The following CPNE8 variants were observed in gnomAD, a reference collection of about 807,000 sequenced individuals.
CPNE8 encodes the protein copine-8.
CPNE8 carries 45 observed loss-of-function variants against 81.5 expected under a neutral mutation model. The observed-to-expected ratio is 0.55, with a 90% CI of 0.44 to 0.71. CPNE8 has a LOEUF of 0.71. CPNE8 is among the 30% of genes least tolerant of loss of function. CPNE8 has a pLI of 0.00. For missense variants in CPNE8, 594 were observed against 672.1 expected, an observed-to-expected ratio of 0.88 and a Z score of 1.28; for synonymous variants, 252 against 226.3, an observed-to-expected ratio of 1.11 and a Z score of -1.02.
chr12:38,789,039 A>C (rs1010925767), intron 6 of CPNE8, among the ~76,000 whole-genome samples: 1 of 151,960 alleles, frequency 6.6e-6, no homozygotes, highest in East Asian at 1.9e-4. Context: ...TAAGCATTCT[A>C]CAGTTTCAAT....
intron 6 of CPNE8, among the ~76,000 whole-genome samples, chr12:38,824,096 C>A (rs1943150918): frequency 6.6e-6 from 1 of 152,086 alleles, no homozygotes. Context: ...ACAGAACAGA[C>A]TATTGAAATT....
At chr12:38,805,677 T>TAAAAAAAAAAAAAAAAAACAA (rs71068581) in intron 6 of CPNE8, among the ~76,000 whole-genome samples, 1 of 104,846 alleles carries the variant, frequency 9.5e-6, no homozygotes, top group African/African-American at 3.6e-5. Flanking sequence ...AAAAAAACAT[T>TAAAAAAAAAAAAAAAAAACAA]AAAAAAAAAA....
intron 1 of CPNE8, among the ~76,000 whole-genome samples, chr12:38,885,882 C>G (rs1180812016): frequency 6.6e-6 from 1 of 152,108 alleles, no homozygotes; most frequent in Non-Finnish European, 1.5e-5. Context: ...TTCTCTCTCT[C>G]TCTCCTGCTC....
At chr12:38,875,459 G>C (rs1944052771) in intron 1 of CPNE8, among the ~76,000 whole-genome samples, 1 of 152,014 alleles carries the variant, frequency 6.6e-6, no homozygotes, top group Non-Finnish European at 1.5e-5. Flanking sequence ...AATTAAAATG[G>C]AGTAGCTAAA....
At chr12:38,690,292 C>CTGAT (rs1939644488) in intron 15 of CPNE8, among the ~76,000 whole-genome samples, 1 of 152,164 alleles carries the variant, frequency 6.6e-6, no homozygotes, top group Non-Finnish European at 1.5e-5. Flanking sequence ...ATTGCAGTGA[C>CTGAT]TTAGGATGAG....
Position 38,878,145 on chromosome 12 carries a change from A to T in CPNE8, c.99-3634T>A, listed in dbSNP as rs544092042. On this transcript the variant is annotated intron_variant, in intron 1 of 19. Transcript: ENST00000331366. ...TCCACCCCGTGGATATAATCAAGAAATAACCATAAAAATGGGCAACCAGCA... is the reference window on the plus strand; with the variant it reads ...TCCACCCCGTGGATATAATCAAGAATTAACCATAAAAATGGGCAACCAGCA... 2.0e-5 allele frequency among the ~76,000 whole-genome samples: 3 copies of T among 152,316 alleles called. No homozygotes were observed. In the East Asian group the frequency reaches 5.8e-4, roughly 29 times the overall value.
chr12:38,760,857 G>A lies in CPNE8; in HGVS notation c.712C>T (p.Arg238Ter), dbSNP rs1161451320. 17 of 1,588,476 alleles carry A rather than the reference G, an allele frequency of 1.1e-5. No individual in the cohort carries two copies. Among genetic ancestry groups the A allele is most frequent in the Admixed American group, 1.9e-5 (1 of 53,996 alleles). The change falls in exon 10 of 20, where the codon CGA becomes TGA. Residue 238 changes from arginine (R) to a stop codon, truncating the protein, a stop_gained. Transcript: ENST00000331366. LOFTEE classifies it high-confidence loss of function. ...TIKVEVYDWD[R>*]DGSHDFIGEF... ...TAAGAACTGTCTTACCTTCCATCTC[G>A]GTCCCAGTCATACACCTCTACTTTG...
At chr12:38,663,819 C>A (rs752782393) in intron 19 of CPNE8, among the ~76,000 whole-genome samples, 2 of 152,012 alleles carry the variant, frequency 1.3e-5, no homozygotes, top group Non-Finnish European at 2.9e-5. Context: ...CTGTCACTTG[C>A]GGCAGCATGG....
At chr12:38,744,292 A>T (rs934087615) in intron 10 of CPNE8, among the ~76,000 whole-genome samples, 4 of 152,178 alleles carry the variant, frequency 2.6e-5, no homozygotes, top group Admixed American at 2.6e-4. Flanking sequence ...GTAATCACGA[A>T]TTCCAGTATT....
intron 7 of CPNE8, among the ~76,000 whole-genome samples, chr12:38,774,164 T>C (rs533987571): frequency 1.2e-4 from 18 of 152,232 alleles, no homozygotes; most frequent in African/African-American, 4.1e-4. Flanking sequence ...GTGGAAGATA[T>C]TTAGGATGCA....
Position 38,670,777 on chromosome 12 carries a change from A to G in CPNE8, c.1458T>C (p.Asp486=). ...ATTTTCCTCTAGAGGAGACTCTTACATCATCTCCATCCAATTCGACCATTG... is the reference window on the plus strand; with the variant it reads ...ATTTTCCTCTAGAGGAGACTCTTACGTCATCTCCATCCAATTCGACCATTG... The part of the protein sequence containing the change: ...FDAMVELDGD[D]VRVSSRGKYA... Residue 486 remains aspartate, a synonymous_variant, in exon 19 of 20, where the codon GAT becomes GAC. Coordinates refer to ENST00000331366, the MANE Select transcript of CPNE8 (RefSeq NM_153634.3). 2 of 1,609,774 alleles carry G rather than the reference A, an allele frequency of 1.2e-6. No individual in the cohort carries two copies. Among genetic ancestry groups the G allele is most frequent in the Non-Finnish European group, 1.7e-6 (2 of 1,177,540 alleles).
chr12:38,879,257 A>G (rs1474613319), intron 1 of CPNE8, among the ~76,000 whole-genome samples: 1 of 151,966 alleles, frequency 6.6e-6, no homozygotes, highest in Non-Finnish European at 1.5e-5. Flanking sequence ...CCTGAGATTC[A>G]AATTGCCAGA....
intron 8 of CPNE8, among the ~76,000 whole-genome samples, chr12:38,767,109 A>G (rs1272643107): frequency 6.6e-6 from 1 of 152,154 alleles, no homozygotes; most frequent in African/African-American, 2.4e-5. Flanking sequence ...ATTTAATAGC[A>G]GAGCCATACA....
chr12:38,665,238 CT>C (rs2136638696), intron 19 of CPNE8, among the ~76,000 whole-genome samples: 1 of 152,250 alleles, frequency 6.6e-6, no homozygotes, highest in African/African-American at 2.4e-5. Context: ...ACCTGAGAAA[CT>C]TTTGTCCAAA....
chr12:38,730,209 G>A, intron 11 of CPNE8, 74 bp downstream of exon 11: 1 of 913,432 alleles, frequency 1.1e-6, no homozygotes, highest in Non-Finnish European at 1.8e-6. Context: ...ATTATGCTTT[G>A]CAGAATCCAC....
chr12:38,740,563 G>A (rs1043405338), intron 10 of CPNE8, among the ~76,000 whole-genome samples: 14 of 152,250 alleles, frequency 9.2e-5, no homozygotes, highest in Admixed American at 3.9e-4. Flanking sequence ...TTTGAGATAC[G>A]TCCCATCAAT....
intron 10 of CPNE8, among the ~76,000 whole-genome samples, chr12:38,736,242 G>A (rs1181324943): frequency 6.6e-6 from 1 of 150,672 alleles, no homozygotes; most frequent in Non-Finnish European, 1.5e-5. Flanking sequence ...TGTTGTGTGT[G>A]TATTACACTT....
Position 38,653,898 on chromosome 12 carries a change from AAC to A in CPNE8, c.1677_1678del (p.Leu560ThrfsTer9). 1 of 1,612,866 alleles carries A rather than the reference AAC, an allele frequency of 6.2e-7. No homozygotes were observed. Among genetic ancestry groups the A allele is most frequent in the Non-Finnish European group, 8.5e-7 (1 of 1,179,720 alleles). On this transcript the variant is annotated frameshift_variant, in exon 20 of 20. Transcript: ENST00000331366. LOFTEE classifies it high-confidence loss of function. ...AGAGCACAGTCATATTTGAGTCTGT[AAC>A]ACATGTGTAGGTGGGGTGTATGGGG...
intron 4 of CPNE8, 110 bp from the exon 5 acceptor site, chr12:38,840,065 C>A: frequency 1.8e-6 from 2 of 1,095,350 alleles, no homozygotes; most frequent in Middle Eastern, 2.4e-4. Flanking sequence ...CAAAATAATA[C>A]CAATAGGAAG....
Sources: gnomAD v4.1 joint callset for allele counts (sites outside exome capture counted in the v4.1 genomes callset) on GRCh38, gnomAD v4.1.1 for gene constraint, MANE v1.5 for transcripts, NCBI Gene and HGNC (gene_info 2026-07-23, HGNC 2026-07-21) for gene names.